The following HNF4A variants were observed in gnomAD, a reference collection of about 807,000 sequenced individuals.
HNF4A encodes hepatocyte nuclear factor 4-alpha.
In HNF4A, 15 loss-of-function variants were observed where a neutral mutation model predicts 52.4. The ratio of observed to expected loss-of-function variants is 0.29; its 90% CI spans 0.19 to 0.44. The LOEUF (loss-of-function observed/expected upper bound fraction) is 0.44. HNF4A is among the 20% of genes least tolerant of loss of function. The pLI is 1.00. For synonymous variants in HNF4A, 280 were observed against 264.4 expected, an observed-to-expected ratio of 1.06 and a Z score of -0.57; for missense variants, 479 against 647.2, an observed-to-expected ratio of 0.74 and a Z score of 2.82.
Position 44,413,817 on chromosome 20 carries a change from G to GCCACCCAC in HNF4A, c.492+21_492+28dup. On this transcript the variant is annotated intron_variant, in intron 4 of 9. Transcript: ENST00000316099. ...TCCCGACAGGTACCGGGGTGATCCTGCCACCCACCCAGGGATCCCCCACAC... is the reference window on the plus strand; with the variant it reads ...TCCCGACAGGTACCGGGGTGATCCTGCCACCCACCCACCCACCCAGGGATCCCCCACAC... 1 of 1,543,922 alleles carries GCCACCCAC rather than the reference G, an allele frequency of 6.5e-7. No individual in the cohort carries two copies. Among genetic ancestry groups the GCCACCCAC allele is most frequent in the Non-Finnish European group, 8.9e-7 (1 of 1,119,670 alleles).
At chr20:44,427,832 G>A (rs943573875) in intron 8 of HNF4A, among the ~76,000 whole-genome samples, 4 of 152,132 alleles carry the variant, frequency 2.6e-5, no homozygotes, top group Admixed American at 1.3e-4. Flanking sequence ...GGTTTGGGGT[G>A]GAAAAACATC....
In HNF4A at chr20:44,365,677, A is replaced by G. The variant is rs1441755079; in HGVS notation, c.49+9824A>G. ...GAAAATGAAATTCTTAAAATTTACT[A>G]GACCTATAAGTAGACTAAAACAATA... On this transcript the variant is annotated intron_variant, in intron 1 of 9. Coordinates refer to the HNF4A transcript ENST00000316673. Among the ~76,000 whole-genome samples the G allele has an allele frequency of 2.6e-5, 4 of 152,220 alleles. No individual in the cohort carries two copies. The East Asian group carries it at 7.7e-4, about 29-fold the overall frequency.
rs551178163 is a variant in HNF4A, at chr20:44,432,504, G to T, written c.*2839G>T. ...GGGTCTCAGGAGCTTCTAAAAATCC[G>T]CATGGCTCTCCTGAGAGTGGACAGA... On this transcript the variant is annotated 3_prime_UTR_variant, in exon 10 of 10. Coordinates refer to ENST00000316099, the MANE Select transcript of HNF4A (RefSeq NM_000457.6). 2.6e-5 allele frequency: 4 copies of T among 151,724 alleles called. No homozygotes were observed. In the South Asian group the frequency reaches 8.4e-4, roughly 32 times the overall value. The allele number at this position is 151,724 out of a possible 1,614,324, so 9.4% of individuals were successfully genotyped here. A position where few individuals can be genotyped will look rare whatever the true frequency, so the allele number is the denominator to read the frequency against.
At chr20:44,370,889 T>C (rs911719673) in intron 1 of HNF4A, among the ~76,000 whole-genome samples, 3 of 152,174 alleles carry the variant, frequency 2.0e-5, no homozygotes, top group African/African-American at 7.2e-5. Context: ...TGGCTGAGCC[T>C]GGGCCGCCAA....
intron 1 of HNF4A, among the ~76,000 whole-genome samples, chr20:44,405,534 G>C (rs552414133): frequency 6.6e-6 from 1 of 152,200 alleles, no homozygotes; most frequent in South Asian, 2.1e-4. Context: ...GGGAGGGATG[G>C]GAGATGTGTC....
chr20:44,368,962 A>G (rs537481698), intron 1 of HNF4A, among the ~76,000 whole-genome samples: 2 of 152,152 alleles, frequency 1.3e-5, no homozygotes, highest in African/African-American at 4.8e-5. Context: ...AAATACAAAC[A>G]AGAGGCTGGG....
Position 44,406,064 on chromosome 20 carries a change from C to T in HNF4A, c.122C>T (p.Ser41Phe). ...CCCTTCTCTCCTGGCGCAGACACGTCCCCATCAGAAGGCACCAACCTCAAC... is the reference window on the plus strand; with the variant it reads ...CCCTTCTCTCCTGGCGCAGACACGTTCCCATCAGAAGGCACCAACCTCAAC... Residue 41 changes from serine to phenylalanine, a missense_variant, in exon 2 of 10, where the codon TCC becomes TTC. This residue lies in a region of HNF4A where 90 missense variants were observed against 105.5 expected (regional missense o/e 0.85). Coordinates refer to ENST00000316099, the MANE Select transcript of HNF4A (RefSeq NM_000457.6). The T allele has an allele frequency of 6.2e-7, 1 of 1,612,292 alleles. No individual in the cohort carries two copies. The highest frequency in any genetic ancestry group is 8.5e-7 in the Non-Finnish European group (1 of 1,179,896).
At chr20:44,424,582 C>T (rs1053155882) in intron 8 of HNF4A, 100 of 1,373,744 alleles carry the variant, frequency 7.3e-5, no homozygotes, top group Non-Finnish European at 7.8e-5. Flanking sequence ...CCCGTATGTG[C>T]GTGCATGTGT....
chr20:44,397,420 A>G (rs760107165), upstream of HNF4A, among the ~76,000 whole-genome samples: 1 of 152,226 alleles, frequency 6.6e-6, no homozygotes, highest in Non-Finnish European at 1.5e-5. Flanking sequence ...TACCATGCAA[A>G]GTATTTAGGA....
intron 7 of HNF4A, among the ~76,000 whole-genome samples, chr20:44,421,432 G>C (rs1021019614): frequency 6.6e-6 from 1 of 152,050 alleles, no homozygotes; most frequent in Non-Finnish European, 1.5e-5. Context: ...TGTCCTTCAC[G>C]CTGCAAATAG....
intron 3 of HNF4A, among the ~76,000 whole-genome samples, chr20:44,410,533 A>G (rs1201701224): frequency 6.6e-6 from 1 of 151,844 alleles, no homozygotes; most frequent in African/African-American, 2.4e-5. Context: ...GCCAAAAGAA[A>G]GTCTCGGTGG....
chr20:44,368,158 A>ATTTTTTTTTT (rs1477714904), intron 1 of HNF4A, among the ~76,000 whole-genome samples: 9 of 13,218 alleles, frequency 6.8e-4, no homozygotes, highest in Admixed American at 3.0e-3. Flanking sequence ...ATATATATAT[A>ATTTTTTTTTT]TATTTTTTTT....
At chr20:44,424,724 C>G in intron 8 of HNF4A, 1 of 598,490 alleles carries the variant, frequency 1.7e-6, no homozygotes, top group Non-Finnish European at 2.4e-6. Flanking sequence ...TGCTAAGACC[C>G]TAACGGCTGA....
At chr20:44,424,634 A>T in intron 8 of HNF4A, 1 of 1,388,804 alleles carries the variant, frequency 7.2e-7, no homozygotes, top group South Asian at 1.5e-5. Context: ...TAAACAGGTA[A>T]TATGATAGAG....
chr20:44,401,519 A>C, intron 1 of HNF4A: 5 of 1,613,674 alleles, frequency 3.1e-6, no homozygotes, highest in Non-Finnish European at 4.2e-6. Context: ...CAGGTGTGCC[A>C]GTGGGGGCAG....
intron 1 of HNF4A, among the ~76,000 whole-genome samples, chr20:44,395,215 C>T (rs963476265): frequency 3.9e-5 from 6 of 152,190 alleles, no homozygotes; most frequent in Non-Finnish European, 8.8e-5. Flanking sequence ...TCTGAGGCTC[C>T]GTGAGGGGCC....
intron 3 of HNF4A, among the ~76,000 whole-genome samples, chr20:44,413,370 T>C (rs1315756770): frequency 6.6e-6 from 1 of 152,158 alleles, no homozygotes; most frequent in African/African-American, 2.4e-5. Flanking sequence ...GACCAGAGCT[T>C]GAACATCTTT....
At chr20:44,392,837 T>C (rs939506087) in intron 1 of HNF4A, among the ~76,000 whole-genome samples, 2 of 151,990 alleles carry the variant, frequency 1.3e-5, no homozygotes, top group African/African-American at 4.8e-5. Flanking sequence ...CTAGGGCAAA[T>C]AAGAAAAAGG....
chr20:44,387,907 G>C (rs1371675629), intron 1 of HNF4A, among the ~76,000 whole-genome samples: 1 of 152,082 alleles, frequency 6.6e-6, no homozygotes, highest in Non-Finnish European at 1.5e-5. Context: ...CTTGCAAGAT[G>C]TTGGCTTGAA....
Sources: allele counts gnomAD v4.1 joint callset (sites outside exome capture counted in the v4.1 genomes callset), GRCh38; gene constraint gnomAD v4.1.1; regional missense constraint gnomAD v4.1.1; transcripts MANE v1.5; gene names NCBI Gene and HGNC (gene_info 2026-07-23, HGNC 2026-07-21).